The following PPP1R9A variants were observed in gnomAD, a reference collection of about 807,000 sequenced individuals.
The protein encoded by PPP1R9A is neurabin-1.
PPP1R9A carries 59 observed loss-of-function variants against 141.9 expected under a neutral mutation model. The observed-to-expected ratio is 0.42, with a 90% CI of 0.34 to 0.52. The LOEUF is 0.52. Ranked by LOEUF, PPP1R9A falls within the 20% of genes least tolerant of loss-of-function variation. The pLI is 0.10. For missense variants in PPP1R9A, 1,444 were observed against 1,611.9 expected (o/e 0.90, Z 1.78); for synonymous variants, 500 against 569.7 (o/e 0.88, Z 1.74).
chr7:94,992,318 C>T (rs1446479960), intron 2 of PPP1R9A, among the ~76,000 whole-genome samples: 2 of 152,154 alleles, frequency 1.3e-5, no homozygotes, highest in African/African-American at 4.8e-5. Flanking sequence ...TACTTTCTAA[C>T]TTCTTGTTGC....
intron 5 of PPP1R9A, among the ~76,000 whole-genome samples, chr7:95,190,902 A>G (rs2152830855): frequency 6.6e-6 from 1 of 152,226 alleles, no homozygotes; most frequent in African/African-American, 2.4e-5. Flanking sequence ...CAGCTTTTTC[A>G]TTTTTACTGA....
At chr7:95,208,673 G>A (rs62467345) in intron 7 of PPP1R9A, among the ~76,000 whole-genome samples, 13,333 of 150,948 alleles carry the variant, frequency 0.088, 847 homozygotes, top group Non-Finnish European at 0.14. Flanking sequence ...GCAGTGAGCC[G>A]AGATCACACC....
intron 2 of PPP1R9A, among the ~76,000 whole-genome samples, chr7:94,966,615 G>A (rs1184876318): frequency 1.3e-5 from 2 of 152,104 alleles, no homozygotes; most frequent in Non-Finnish European, 2.9e-5. Flanking sequence ...GATGGATTAC[G>A]TTTATTAATT....
intron 2 of PPP1R9A, among the ~76,000 whole-genome samples, chr7:95,081,559 A>G (rs1054899520): frequency 2.0e-5 from 3 of 152,216 alleles, no homozygotes; most frequent in Admixed American, 2.0e-4. Context: ...TTTAAGATAC[A>G]GCTATAGAAA....
At chr7:95,225,185 A>G (rs971641587) in intron 7 of PPP1R9A, among the ~76,000 whole-genome samples, 4 of 152,100 alleles carry the variant, frequency 2.6e-5, no homozygotes, top group African/African-American at 9.7e-5. Flanking sequence ...CATTAGAAAA[A>G]TTGTGGGGTA....
chr7:95,182,887 C>G (rs976614472), intron 5 of PPP1R9A, among the ~76,000 whole-genome samples: 1 of 152,132 alleles, frequency 6.6e-6, no homozygotes, highest in Non-Finnish European at 1.5e-5. Context: ...TTTCTGGTGT[C>G]ACTATATACA....
chr7:95,222,440 A>G (rs1794589699), intron 7 of PPP1R9A, among the ~76,000 whole-genome samples: 1 of 152,182 alleles, frequency 6.6e-6, no homozygotes, highest in African/African-American at 2.4e-5. Flanking sequence ...ATAGTTGTTG[A>G]GGAATGTCCA....
intron 7 of PPP1R9A, 62 bp downstream of exon 7, chr7:95,203,792 A>G (rs1790106009): frequency 2.4e-6 from 3 of 1,237,004 alleles, no homozygotes; most frequent in Admixed American, 2.1e-5. Flanking sequence ...GTAAAATTAA[A>G]TATTCTTTGT....
chr7:95,122,385 G>A (rs911814913), intron 4 of PPP1R9A, among the ~76,000 whole-genome samples: 3 of 152,148 alleles, frequency 2.0e-5, no homozygotes, highest in Non-Finnish European at 4.4e-5. Flanking sequence ...GACCTCAAGT[G>A]ACCCACCTGC....
chr7:95,209,734 C>T (rs1373558169), intron 7 of PPP1R9A, among the ~76,000 whole-genome samples: 1 of 152,070 alleles, frequency 6.6e-6, no homozygotes, highest in Non-Finnish European at 1.5e-5. Flanking sequence ...CTGGTTCTAT[C>T]TGATGATCTG....
intron 2 of PPP1R9A, among the ~76,000 whole-genome samples, chr7:95,068,463 C>A (rs1467642609): frequency 5.7e-5 from 5 of 87,330 alleles, no homozygotes; most frequent in South Asian, 4.9e-4. Flanking sequence ...GAGCAAGACT[C>A]TTGTCTCAAG....
chr7:95,220,060 A>G lies in PPP1R9A; in HGVS notation c.1957-5901A>G, dbSNP rs78874135. On this transcript the variant is annotated intron_variant, in intron 7 of 19. Coordinates refer to ENST00000433360, the MANE Select transcript of PPP1R9A (RefSeq NM_001166160.2). Reference sequence around the variant, plus strand: ...CTCTTTAAATGAAGAAGGTGCTGTTATTTCCATTTTATAGATGAGGAAACA... The same window carrying G: ...CTCTTTAAATGAAGAAGGTGCTGTTGTTTCCATTTTATAGATGAGGAAACA... Among the ~76,000 whole-genome samples the G allele has an allele frequency of 5.7e-3, 874 of 152,232 alleles. 10 individuals carry two copies. Among genetic ancestry groups the G allele is most frequent in the African/African-American group, 0.02 (850 of 41,558 alleles).
chr7:94,954,805 T>C (rs988785117), intron 2 of PPP1R9A, among the ~76,000 whole-genome samples: 6 of 150,808 alleles, frequency 4.0e-5, no homozygotes, highest in African/African-American at 1.2e-4. Flanking sequence ...GTTTATTCTG[T>C]TATTTTAGAA....
chr7:95,154,574 C>G (rs1829280633), intron 4 of PPP1R9A: 1 of 152,016 alleles, frequency 6.6e-6, no homozygotes, highest in South Asian at 2.1e-4. Context: ...TTAGATATTA[C>G]TATAGATTCA....
intron 2 of PPP1R9A, among the ~76,000 whole-genome samples, chr7:95,038,464 G>T (rs563191672): frequency 6.6e-6 from 1 of 152,112 alleles, no homozygotes; most frequent in South Asian, 2.1e-4. Context: ...CAGATGATCT[G>T]AGAATGATTC....
In PPP1R9A at chr7:94,911,642, T is replaced by G. The variant is rs1205642273; in HGVS notation, c.1395+134T>G. The G allele has an allele frequency of 4.6e-6, 3 of 658,206 alleles. No individual in the cohort carries two copies. In the African/African-American group the frequency reaches 5.5e-5, roughly 12 times the overall value. The allele number at this position is 658,206 out of a possible 1,614,324, so 40.8% of individuals were successfully genotyped here. A position where few individuals can be genotyped will look rare whatever the true frequency, so the allele number is the denominator to read the frequency against. ...GATTGTTGATACCTTTAAAATCACC[T>G]GTTGTCAGGTGATTTTAAAAGTTCA... On this transcript the variant is annotated intron_variant, in intron 2 of 19. Coordinates refer to ENST00000433360, the MANE Select transcript of PPP1R9A (RefSeq NM_001166160.2).
At chr7:94,986,637 A>G (rs1307071616) in intron 2 of PPP1R9A, among the ~76,000 whole-genome samples, 1 of 152,336 alleles carries the variant, frequency 6.6e-6, no homozygotes, top group East Asian at 1.9e-4. Flanking sequence ...ACAAAATGAT[A>G]AATGTTTGAG....
chr7:94,970,857 T>A (rs1186409991), intron 2 of PPP1R9A, among the ~76,000 whole-genome samples: 1 of 152,096 alleles, frequency 6.6e-6, no homozygotes, highest in Non-Finnish European at 1.5e-5. Context: ...CCTTGAGTAG[T>A]GGAAATGGGT....
chr7:95,263,203 G>C (rs1351312340), intron 12 of PPP1R9A, among the ~76,000 whole-genome samples: 1 of 152,070 alleles, frequency 6.6e-6, no homozygotes, highest in Non-Finnish European at 1.5e-5. Context: ...GCCTTTAAGA[G>C]AAAATATACT....
Sources: gnomAD v4.1 joint callset for allele counts (sites outside exome capture counted in the v4.1 genomes callset) on GRCh38, gnomAD v4.1.1 for gene constraint, MANE v1.5 for transcripts, NCBI Gene and HGNC (gene_info 2026-07-23, HGNC 2026-07-21) for gene names.